The following HEBP1 variants were observed in gnomAD, a reference collection of about 807,000 sequenced individuals.
HEBP1 encodes the protein heme binding protein 1, also known as heme-binding protein 1.
Under a neutral mutation model 20.4 loss-of-function variants are expected in HEBP1, and 13 were observed. That is an observed-to-expected ratio of 0.64 (90% CI 0.42 to 1.01). The LOEUF is 1.01. HEBP1 is among the 50% of genes least tolerant of loss of function. HEBP1 has a pLI of 0.00. For synonymous variants in HEBP1, 92 were observed against 90.7 expected, an observed-to-expected ratio of 1.01 and a Z score of -0.08; for missense variants, 241 against 247.3, an observed-to-expected ratio of 0.97 and a Z score of 0.17.
At position 12,986,889 on chromosome 12, in the gene HEBP1, G is replaced by A; in HGVS notation, c.398+263C>T. On this transcript the variant is annotated intron_variant, in intron 3 of 3. Transcript: ENST00000014930. The surrounding 1 kb of genome is among the most constrained non-coding windows in gnomAD (Gnocchi z 4.3). ...CTAGAACCCTGCTATGGCTAATGTA[G>A]ACATTCACTGTAAGCTTAAGCAAAG... The A allele has an allele frequency of 2.5e-6, 1 of 399,622 alleles. No homozygotes were observed. The highest frequency in any genetic ancestry group is 4.1e-5 in the South Asian group (1 of 24,650). 24.8% of individuals were successfully genotyped at this position (399,622 alleles called of 1,614,324 possible).
intron 2 of HEBP1, among the ~76,000 whole-genome samples, chr12:12,987,561 T>C (rs1864167228): frequency 6.6e-6 from 1 of 152,032 alleles, no homozygotes; most frequent in Non-Finnish European, 1.5e-5. Flanking sequence ...TTTGGCAATA[T>C]ATATCAAGAC....
At chr12:12,993,623 AGAG>A (rs1864255897) in intron 1 of HEBP1, among the ~76,000 whole-genome samples, 1 of 152,168 alleles carries the variant, frequency 6.6e-6, no homozygotes. Context: ...AATTCAGAAT[AGAG>A]GTATCAGAAG....
chr12:12,983,644 G>A (rs1864114546), intron 3 of HEBP1: 4 of 455,534 alleles, frequency 8.8e-6, no homozygotes, highest in Admixed American at 2.4e-5. Context: ...GTGACATCAA[G>A]TGGCGAGTTG....
At chr12:12,980,198 G>A (rs182575921) in intron 3 of HEBP1, 18 of 152,332 alleles carry the variant, frequency 1.2e-4, no homozygotes, top group African/African-American at 2.4e-4. Context: ...CACAATAAGC[G>A]TTTCATTCAA....
At chr12:12,989,627 T>C (rs907317446) in intron 1 of HEBP1, among the ~76,000 whole-genome samples, 2 of 152,166 alleles carry the variant, frequency 1.3e-5, no homozygotes, top group African/African-American at 4.8e-5. Flanking sequence ...CATTATATTC[T>C]TGGGGAGATA....
chr12:12,983,377 G>C (rs1319147845), intron 3 of HEBP1: 3 of 208,860 alleles, frequency 1.4e-5, no homozygotes, highest in Admixed American at 1.1e-4. Flanking sequence ...GGTAATTAAC[G>C]ATGCTAATAA....
At chr12:12,995,558 G>A (rs977734594) in intron 1 of HEBP1, among the ~76,000 whole-genome samples, 8 of 152,270 alleles carry the variant, frequency 5.3e-5, no homozygotes, top group Non-Finnish European at 8.8e-5. Context: ...CAGTTCTAGT[G>A]CAGGGATCAC....
At chr12:12,979,471 C>T (rs1261118494) in intron 3 of HEBP1, 1 of 152,496 alleles carries the variant, frequency 6.6e-6, no homozygotes, top group Non-Finnish European at 1.5e-5. Context: ...TACCCGGAAT[C>T]CCCTGGTGTA....
At chr12:12,983,497 C>A (rs1864112598) in intron 3 of HEBP1, 2 of 322,094 alleles carry the variant, frequency 6.2e-6, no homozygotes, top group African/African-American at 2.2e-5. Context: ...AATGCACTCA[C>A]TGCATTATTT....
At chr12:12,975,602 G>T in intron 3 of HEBP1, 123 bp from the exon 4 acceptor site, 1 of 763,130 alleles carries the variant, frequency 1.3e-6, no homozygotes, top group Non-Finnish European at 2.0e-6. Context: ...TAAGACTGGG[G>T]ACTGAGTCAC....
chr12:12,997,067 TG>T (rs1345406928), intron 1 of HEBP1, among the ~76,000 whole-genome samples: 1 of 152,218 alleles, frequency 6.6e-6, no homozygotes, highest in Non-Finnish European at 1.5e-5. Flanking sequence ...ATAGTAACTC[TG>T]GAAATAGATG....
Position 12,989,296 on chromosome 12 carries a change from C to A in HEBP1, c.198G>T (p.Ala66=), listed in dbSNP as rs141002469. Residue 66 remains alanine (A), a synonymous_variant, in exon 2 of 4, where the codon GCG becomes GCT. Coordinates refer to ENST00000014930, the MANE Select transcript of HEBP1 (RefSeq NM_015987.5). ...ACTCACCCTTGTCATTGGTGCCCCC[C>A]GCATACTTTGCGACCTTGGGCATTG... The part of the protein sequence containing the change: ...REAMPKVAKY[A]GGTNDKGIGM... 6.2e-7 allele frequency: 1 copy of A among 1,614,154 alleles called. No individual in the cohort carries two copies. Among genetic ancestry groups the A allele is most frequent in the Non-Finnish European group, 8.5e-7 (1 of 1,180,028 alleles).
At chr12:12,995,282 T>C (rs1864276262) in intron 1 of HEBP1, among the ~76,000 whole-genome samples, 1 of 152,166 alleles carries the variant, frequency 6.6e-6, no homozygotes, top group Non-Finnish European at 1.5e-5. Context: ...AATTAAATGA[T>C]GTGTTAAACT....
chr12:12,976,002 C>A (rs1863977175), intron 3 of HEBP1, among the ~76,000 whole-genome samples: 1 of 141,940 alleles, frequency 7.0e-6, no homozygotes, highest in African/African-American at 2.6e-5. Context: ...TGACTGAGTT[C>A]ATCACAGCAG....
intron 3 of HEBP1, chr12:12,980,373 G>C (rs1460108250): frequency 6.6e-6 from 1 of 152,250 alleles, no homozygotes; most frequent in Admixed American, 6.5e-5. Context: ...GGAAGGAAAT[G>C]CTGGAATGAA....
At position 12,987,296 on chromosome 12, in the gene HEBP1, G is replaced by C; in HGVS notation, c.254C>G (p.Ala85Gly). ...AGAGCCATCTTCATTGGGGAACACA[G>C]CAAAGGAAATAGGGACTGTCATCCC... ...GMGMTVPISF[A>G]VFPNEDGSLQ... Residue 85 changes from alanine (A) to glycine (G), a missense_variant, in exon 3 of 4, where the codon GCT becomes GGT. Transcript: ENST00000014930. The C allele has an allele frequency of 1.9e-6, 3 of 1,614,066 alleles. No homozygotes were observed. The highest frequency in any genetic ancestry group is 2.5e-6 in the Non-Finnish European group (3 of 1,179,974).
rs1030994190 is a variant in HEBP1, at chr12:12,975,239, C to A, written c.*69G>T. 3 of 1,464,246 alleles carry A rather than the reference C, an allele frequency of 2.0e-6. No individual in the cohort carries two copies. The highest frequency in any genetic ancestry group is 2.4e-5 in the South Asian group (2 of 83,524). 90.7% of individuals were successfully genotyped at this position (1,464,246 alleles called of 1,614,324 possible). ...GCAGCTGGAACTTGGGAAGCACTGTCCCCTCCTTACCCCCGAGGAAGGAGA... is the reference window on the plus strand; with the variant it reads ...GCAGCTGGAACTTGGGAAGCACTGTACCCTCCTTACCCCCGAGGAAGGAGA... On this transcript the variant is annotated 3_prime_UTR_variant, in exon 4 of 4. Transcript: ENST00000014930.
chr12:12,994,632 C>T (rs1864269201), intron 1 of HEBP1, among the ~76,000 whole-genome samples: 1 of 152,130 alleles, frequency 6.6e-6, no homozygotes, highest in Admixed American at 6.5e-5. Context: ...AGGCTTGGCT[C>T]AACTTCACCA....
chr12:13,000,219 C>CGGCAGGGCGGCAGGGT lies in HEBP1; in HGVS notation c.-121_-106dup, dbSNP rs1211612866. The CGGCAGGGCGGCAGGGT allele has an allele frequency of 2.9e-5, 11 of 378,612 alleles. No individual in the cohort carries two copies. The highest frequency in any genetic ancestry group is 1.5e-4 in the East Asian group (3 of 19,492). The allele number at this position is 378,612 out of a possible 1,614,324, so 23.5% of individuals were successfully genotyped here. A position where few individuals can be genotyped will look rare whatever the true frequency, so the allele number is the denominator to read the frequency against. ...GCGGCAGGGCGGCAGGGCGGCAGGG[C>CGGCAGGGCGGCAGGGT]GGCAGGGCGGCAGGGTGGCAGGGCG... is the stretch of plus-strand genomic sequence containing the variant. On this transcript the variant is annotated 5_prime_UTR_variant, in exon 1 of 4. Transcript: ENST00000014930.
Sources: gnomAD v4.1 joint callset for allele counts (sites outside exome capture counted in the v4.1 genomes callset) on GRCh38, gnomAD v4.1.1 for gene constraint, Gnocchi (gnomAD v3.1) non-coding constraint, MANE v1.5 for transcripts, NCBI Gene and HGNC (gene_info 2026-07-23, HGNC 2026-07-21) for gene names.